Variants in KCNIP4 observed in about 807,000 individuals in gnomAD.
KCNIP4 encodes potassium voltage-gated channel interacting protein 4.
In KCNIP4, 12 loss-of-function variants were observed where a neutral mutation model predicts 34.0. The ratio of observed to expected loss-of-function variants is 0.35; its 90% confidence interval spans 0.23 to 0.57. The LOEUF (loss-of-function observed/expected upper bound fraction) is 0.57, where lower values mean the gene tolerates loss of function less well. Ranked by LOEUF, KCNIP4 falls within the 20% of genes least tolerant of loss-of-function variation. KCNIP4 has a pLI of 0.83. For synonymous variants in KCNIP4, 124 were observed against 102.2 expected (o/e 1.21, Z -1.29); for missense variants, 238 against 311.7 (o/e 0.76, Z 1.78).
At chr4:21,667,134 A>G (rs1164097520) in intron 1 of KCNIP4, among the ~76,000 whole-genome samples, 1 of 152,204 alleles carries the variant, frequency 6.6e-6, no homozygotes, top group African/African-American at 2.4e-5. Flanking sequence ...TTCAGCCTCA[A>G]ACAATTTTGC....
chr4:21,833,278 C>T (rs1723108428), intron 1 of KCNIP4, among the ~76,000 whole-genome samples: 1 of 151,836 alleles, frequency 6.6e-6, no homozygotes, highest in South Asian at 2.1e-4. Context: ...TTAATGATTG[C>T]CATTCTAACT....
At chr4:21,300,465 C>T (rs972854842) in intron 1 of KCNIP4, among the ~76,000 whole-genome samples, 1 of 152,094 alleles carries the variant, frequency 6.6e-6, no homozygotes, top group Non-Finnish European at 1.5e-5. Context: ...GCCTACTGCA[C>T]TGGCATTAAG....
chr4:21,452,104 C>T (rs1728558861), intron 1 of KCNIP4, among the ~76,000 whole-genome samples: 1 of 152,000 alleles, frequency 6.6e-6, no homozygotes, highest in Non-Finnish European at 1.5e-5. Flanking sequence ...TTGACTTAAC[C>T]CACAGGGACG....
rs568993609 is a variant in KCNIP4 at position 21,227,143 on chromosome 4, T to G, written c.62-344434A>C. On this transcript the variant is annotated intron_variant, in intron 1 of 8. Transcript: ENST00000382152. Reference sequence around the variant, plus strand: ...GCTTGCACCAGCATGTAGCAGACCTTTAGCCCAGAACTGCTTCAGTCTGTC... The same window carrying G: ...GCTTGCACCAGCATGTAGCAGACCTGTAGCCCAGAACTGCTTCAGTCTGTC... 3.3e-5 allele frequency among the ~76,000 whole-genome samples: 5 copies of G among 152,276 alleles called. No homozygotes were observed. The East Asian group carries it at 9.7e-4, about 29-fold the overall frequency.
intron 1 of KCNIP4, among the ~76,000 whole-genome samples, chr4:21,837,532 CAAAAAAA>C (rs60449238): frequency 1.3e-5 from 1 of 78,554 alleles, no homozygotes; most frequent in African/African-American, 6.1e-5. Context: ...AAAACGCTGT[CAAAAAAA>C]AAAAAAAAGA....
intron 1 of KCNIP4, among the ~76,000 whole-genome samples, chr4:21,588,690 G>C (rs969449331): frequency 6.6e-6 from 1 of 151,862 alleles, no homozygotes; most frequent in African/African-American, 2.4e-5. Flanking sequence ...GTAATGGAAG[G>C]AACAATAACA....
At chr4:21,755,258 G>C (rs1327227220) in intron 1 of KCNIP4, among the ~76,000 whole-genome samples, 1 of 152,100 alleles carries the variant, frequency 6.6e-6, no homozygotes, top group Non-Finnish European at 1.5e-5. Context: ...ATATCTATAA[G>C]GTAGGGCTGA....
At chr4:21,419,129 T>G (rs1300813199) in intron 1 of KCNIP4, among the ~76,000 whole-genome samples, 1 of 152,190 alleles carries the variant, frequency 6.6e-6, no homozygotes, top group Non-Finnish European at 1.5e-5. Context: ...CAGTTGCCAT[T>G]CTGCCATATT....
At chr4:21,610,151 G>C (rs1030895345) in intron 1 of KCNIP4, among the ~76,000 whole-genome samples, 5 of 152,258 alleles carry the variant, frequency 3.3e-5, no homozygotes, top group African/African-American at 1.2e-4. Flanking sequence ...CAATTTATAA[G>C]CTTGCTATGG....
chr4:20,754,918 C>T (rs936171305), intron 4 of KCNIP4, among the ~76,000 whole-genome samples: 13 of 151,994 alleles, frequency 8.6e-5, no homozygotes, highest in African/African-American at 3.1e-4. Context: ...ATATTAATGC[C>T]TATTAAGATG....
intron 1 of KCNIP4, among the ~76,000 whole-genome samples, chr4:20,999,642 G>C (rs920566068): frequency 1.3e-5 from 2 of 151,970 alleles, no homozygotes; most frequent in African/African-American, 4.8e-5. Context: ...AGGGACAGAT[G>C]ATTTAGGAAT....
chr4:21,591,000 C>T (rs956650110), intron 1 of KCNIP4, among the ~76,000 whole-genome samples: 7 of 151,964 alleles, frequency 4.6e-5, no homozygotes, highest in East Asian at 1.9e-4. Context: ...GAACACTATA[C>T]CTTGTCAAGA....
chr4:20,970,329 T>C (rs746694454), intron 1 of KCNIP4, among the ~76,000 whole-genome samples: 2 of 152,230 alleles, frequency 1.3e-5, no homozygotes, highest in Non-Finnish European at 2.9e-5. Flanking sequence ...TGATTGTTTA[T>C]TACCTTTGTA....
intron 1 of KCNIP4, among the ~76,000 whole-genome samples, chr4:20,982,738 T>C (rs956911993): frequency 6.6e-6 from 1 of 152,218 alleles, no homozygotes; most frequent in South Asian, 2.1e-4. Flanking sequence ...ATACCGGATC[T>C]TGTTTGGGAT....
chr4:21,101,404 T>C (rs1423904183), intron 1 of KCNIP4, among the ~76,000 whole-genome samples: 1 of 152,214 alleles, frequency 6.6e-6, no homozygotes, highest in Non-Finnish European at 1.5e-5. Flanking sequence ...TGTGTGGGTG[T>C]ATACACACAT....
chr4:21,805,037 T>C (rs1039763623), intron 1 of KCNIP4, among the ~76,000 whole-genome samples: 3 of 152,238 alleles, frequency 2.0e-5, no homozygotes, highest in Non-Finnish European at 4.4e-5. Context: ...AGGATCTCAC[T>C]GTGAGAGTTC....
intron 1 of KCNIP4, among the ~76,000 whole-genome samples, chr4:21,253,246 T>C (rs1197156482): frequency 6.6e-6 from 1 of 152,216 alleles, no homozygotes; most frequent in Non-Finnish European, 1.5e-5. Flanking sequence ...CAGATCACTG[T>C]GAGGGGTCTC....
At chr4:21,345,198 CT>C (rs1717168752) in intron 1 of KCNIP4, among the ~76,000 whole-genome samples, 1 of 152,104 alleles carries the variant, frequency 6.6e-6, no homozygotes, top group Non-Finnish European at 1.5e-5. Context: ...AGGAAACCAG[CT>C]GCCATGCATG....
At chr4:21,601,721 C>A (rs895552201) in intron 1 of KCNIP4, among the ~76,000 whole-genome samples, 1 of 152,082 alleles carries the variant, frequency 6.6e-6, no homozygotes, top group Non-Finnish European at 1.5e-5. Context: ...TCTTTCAAAT[C>A]ACTCCAACCC....
Sources: gnomAD v4.1 joint callset for allele counts (sites outside exome capture counted in the v4.1 genomes callset) on GRCh38, gnomAD v4.1.1 for gene constraint, MANE v1.5 for transcripts, NCBI Gene and HGNC (gene_info 2026-07-23, HGNC 2026-07-21) for gene names.